Variants in RALYL observed in about 807,000 individuals in gnomAD.
The protein encoded by RALYL is RALY RNA binding protein like, also known as RNA-binding Raly-like protein.
In RALYL, 29 loss-of-function variants were observed where a neutral mutation model predicts 35.1. That is an observed-to-expected ratio of 0.83 (90% CI 0.61 to 1.13). The LOEUF is 1.13. Ranked by LOEUF, RALYL falls within the 50% of genes most tolerant of loss-of-function variation. RALYL has a pLI of 0.00. For synonymous variants in RALYL, 120 were observed against 127.6 expected, an observed-to-expected ratio of 0.94 and a Z score of 0.40; for missense variants, 359 against 360.4, an observed-to-expected ratio of 1.00 and a Z score of 0.03.
intron 2 of RALYL, among the ~76,000 whole-genome samples, chr8:84,768,226 C>T (rs1311891761): frequency 2.0e-5 from 3 of 152,136 alleles, no homozygotes; most frequent in African/African-American, 4.8e-5. Flanking sequence ...GCTAGGATGC[C>T]ATACTGTGTG....
intron 2 of RALYL, among the ~76,000 whole-genome samples, chr8:84,575,616 G>T (rs1223410772): frequency 2.0e-5 from 3 of 152,126 alleles, no homozygotes; most frequent in Non-Finnish European, 4.4e-5. Context: ...GGGCATAAAT[G>T]GGAACTCTGT....
intron 1 of RALYL, among the ~76,000 whole-genome samples, chr8:84,463,205 T>C (rs2133430323): frequency 6.6e-6 from 1 of 152,104 alleles, no homozygotes; most frequent in Non-Finnish European, 1.5e-5. Flanking sequence ...TCTATGCTCC[T>C]CTCATGACAC....
Position 84,390,915 on chromosome 8 carries a change from A to G in RALYL, c.-23-138384A>G, listed in dbSNP as rs561277195. 9.8e-4 allele frequency among the ~76,000 whole-genome samples: 149 copies of G among 152,084 alleles called. 1 individual carries two copies. The highest frequency in any genetic ancestry group is 3.5e-3 in the African/African-American group (144 of 41,532). On this transcript the variant is annotated intron_variant, in intron 1 of 8. Transcript: ENST00000521268. ...ATTCTGAATTCTCCAGGAGGGACTG[A>G]AGCAGTCATCTCAATGTTCACACGT...
At position 84,568,511 on chromosome 8, in the gene RALYL, C is replaced by T. The variant is rs1365267735; in HGVS notation, c.256+38934C>T. ...TGTGAATAATGCCGCAATAAACATA[C>T]ATGTGCATGTGTCTTTATAGCAGCA... On this transcript the variant is annotated intron_variant, in intron 2 of 8. Transcript: ENST00000521268. Among the ~76,000 whole-genome samples, 743 of 149,364 alleles carry T rather than the reference C, an allele frequency of 5.0e-3. 3 individuals carry two copies. The highest frequency in any genetic ancestry group is 0.021 in the South Asian group (95 of 4,626).
chr8:84,920,403 T>C (rs1849132418), intron 8 of RALYL, among the ~76,000 whole-genome samples: 2 of 152,106 alleles, frequency 1.3e-5, no homozygotes, highest in Non-Finnish European at 2.9e-5. Flanking sequence ...TTTCTGATTT[T>C]CTTCTTTTGC....
At chr8:84,625,387 G>A (rs1455942024) in intron 2 of RALYL, among the ~76,000 whole-genome samples, 2 of 152,180 alleles carry the variant, frequency 1.3e-5, no homozygotes, top group Non-Finnish European at 2.9e-5. Context: ...GAGAAGTTAG[G>A]AAAGTGTACT....
At chr8:84,420,771 C>G (rs1158714648) in intron 1 of RALYL, among the ~76,000 whole-genome samples, 1 of 112,358 alleles carries the variant, frequency 8.9e-6, no homozygotes, top group East Asian at 2.3e-4. Flanking sequence ...ATATGGCTAG[C>G]CAGTTTTCCC....
intron 2 of RALYL, among the ~76,000 whole-genome samples, chr8:84,666,173 G>T (rs1163961045): frequency 5.9e-5 from 9 of 151,942 alleles, no homozygotes; most frequent in Non-Finnish European, 4.4e-5. Context: ...TCAGCTTTAA[G>T]TATATTTCTA....
intron 2 of RALYL, among the ~76,000 whole-genome samples, chr8:84,543,574 C>A (rs182566041): frequency 1.3e-5 from 2 of 151,932 alleles, no homozygotes; most frequent in African/African-American, 2.4e-5. Context: ...TTAAAATATT[C>A]TTAATAATTT....
intron 1 of RALYL, among the ~76,000 whole-genome samples, chr8:84,289,621 A>G (rs1267675487): frequency 6.6e-6 from 1 of 151,874 alleles, no homozygotes; most frequent in Non-Finnish European, 1.5e-5. Flanking sequence ...TGTTAAAGAA[A>G]CTCTTTCCAG....
At chr8:84,786,484 G>T (rs1819487696) in intron 3 of RALYL, among the ~76,000 whole-genome samples, 1 of 152,100 alleles carries the variant, frequency 6.6e-6, no homozygotes, top group Non-Finnish European at 1.5e-5. Flanking sequence ...AGCCTCGCCA[G>T]CATCTGTTGT....
intron 1 of RALYL, among the ~76,000 whole-genome samples, chr8:84,510,969 A>G (rs1239552228): frequency 8.5e-5 from 13 of 152,182 alleles, no homozygotes; most frequent in Non-Finnish European, 7.3e-5. Context: ...TTATTTTGGA[A>G]TATACAATCA....
chr8:84,241,363 A>G (rs1827828359), intron 1 of RALYL, among the ~76,000 whole-genome samples: 2 of 152,138 alleles, frequency 1.3e-5, no homozygotes. Flanking sequence ...ATCCCTGGTT[A>G]CGTTCTCCAT....
intron 3 of RALYL, among the ~76,000 whole-genome samples, chr8:84,799,258 A>G (rs1822629370): frequency 6.6e-6 from 1 of 152,188 alleles, no homozygotes; most frequent in Non-Finnish European, 1.5e-5. Flanking sequence ...AGTGTTACAG[A>G]GTGCTATGAA....
At chr8:84,400,304 T>C (rs185367875) in intron 1 of RALYL, among the ~76,000 whole-genome samples, 7 of 152,312 alleles carry the variant, frequency 4.6e-5, no homozygotes, top group Admixed American at 2.0e-4. Context: ...TAATTATGTG[T>C]GACCTGTCAC....
Position 84,348,234 on chromosome 8 carries a change from C to A in RALYL, c.-24+163810C>A, listed in dbSNP as rs1850216245. 2.0e-5 allele frequency among the ~76,000 whole-genome samples: 3 copies of A among 152,014 alleles called. No homozygotes were observed. The South Asian group carries it at 6.2e-4, about 32-fold the overall frequency. On this transcript the variant is annotated intron_variant, in intron 1 of 8. Coordinates refer to ENST00000521268, the MANE Select transcript of RALYL (RefSeq NM_173848.7). The stretch of plus-strand genomic sequence containing the variant: ...CAAATTTAATTTAACAGCTCTATTG[C>A]CAAAATCACTTCTGAGGAAGTAACT...
At chr8:84,731,380 GT>G (rs1472817047) in intron 2 of RALYL, among the ~76,000 whole-genome samples, 1 of 152,108 alleles carries the variant, frequency 6.6e-6, no homozygotes, top group Admixed American at 6.6e-5. Context: ...ATAGAGTAAA[GT>G]TTTCTGCTGT....
At chr8:84,891,459 C>CT (rs146100484) in intron 8 of RALYL, among the ~76,000 whole-genome samples, 1 of 152,274 alleles carries the variant, frequency 6.6e-6, no homozygotes, top group African/African-American at 2.4e-5. Context: ...AAGAGCAAGG[C>CT]TTAACCATAC....
intron 2 of RALYL, among the ~76,000 whole-genome samples, chr8:84,648,639 A>G (rs1278308836): frequency 6.6e-6 from 1 of 152,008 alleles, no homozygotes; most frequent in African/African-American, 2.4e-5. Flanking sequence ...ACATCTTATT[A>G]AAATATTTAA....
Sources: allele counts gnomAD v4.1 joint callset (sites outside exome capture counted in the v4.1 genomes callset), GRCh38; gene constraint gnomAD v4.1.1; transcripts MANE v1.5; gene names NCBI Gene and HGNC (gene_info 2026-07-23, HGNC 2026-07-21).